The following ARHGAP44 variants were observed in gnomAD, a reference collection of about 807,000 sequenced individuals.
ARHGAP44 encodes the protein Rho GTPase activating protein 44, also known as rho GTPase-activating protein 44.
A neutral mutation model predicts 106.8 loss-of-function variants in ARHGAP44; 43 were observed. The observed-to-expected ratio is 0.40, with a 90% CI of 0.32 to 0.52. The LOEUF is 0.52. Among genes scored for constraint, ARHGAP44 ranks in the 20% least tolerant of loss-of-function variants. ARHGAP44 has a pLI of 0.48. For missense variants in ARHGAP44, 866 were observed against 1,050.5 expected (o/e 0.82, Z 2.43); for synonymous variants, 439 against 410.3 (o/e 1.07, Z -0.85).
At position 12,814,235 on chromosome 17, in the gene ARHGAP44, G is replaced by GTTTTT. The variant is rs773171329; in HGVS notation, c.53+24363_53+24367dup. 1.0e-3 allele frequency among the ~76,000 whole-genome samples: 91 copies of GTTTTT among 87,252 alleles called. 2 individuals are homozygous for GTTTTT. Among genetic ancestry groups the GTTTTT allele is most frequent in the African/African-American group, 3.2e-3 (66 of 20,398 alleles). The allele number at this position is 87,252 out of a possible 152,430, so 57.2% of individuals were successfully genotyped here. On this transcript the variant is annotated intron_variant, in intron 1 of 20. Coordinates refer to ENST00000379672, the MANE Select transcript of ARHGAP44 (RefSeq NM_014859.6). ...CTGTGCAGCCACCTCCCAAACTGGT[G>GTTTTT]TTTTTTTTTTTTTTTTTTTTTTTGA...
intron 3 of ARHGAP44, among the ~76,000 whole-genome samples, chr17:12,906,941 A>AAAAACAAAAC (rs113016244): frequency 6.6e-6 from 1 of 151,394 alleles, no homozygotes; most frequent in African/African-American, 2.4e-5. Context: ...CCTTGTATCA[A>AAAAACAAAAC]AAAACAAAAC....
chr17:12,804,157 A>T (rs759228837), intron 1 of ARHGAP44, among the ~76,000 whole-genome samples: 2 of 152,186 alleles, frequency 1.3e-5, no homozygotes, highest in African/African-American at 2.4e-5. Flanking sequence ...GTTTGCAGCA[A>T]TTAGGGTGAT....
At position 12,849,407 on chromosome 17, in the gene ARHGAP44, T is replaced by C. The variant is rs1018860436; in HGVS notation, c.54-45533T>C. Among the ~76,000 whole-genome samples the C allele has an allele frequency of 4.6e-5, 7 of 152,198 alleles. No individual in the cohort carries two copies. In the South Asian group the frequency reaches 6.2e-4, roughly 14 times the overall value. On this transcript the variant is annotated intron_variant, in intron 1 of 20. Coordinates refer to ENST00000379672, the MANE Select transcript of ARHGAP44 (RefSeq NM_014859.6). The stretch of plus-strand genomic sequence containing the variant: ...GTGAGTTTGTGCCTGGTATTTTGAA[T>C]GCTTGACACTCCTTAACATGTGTTT...
chr17:12,940,294 C>T (rs576852207), intron 7 of ARHGAP44, among the ~76,000 whole-genome samples: 2 of 152,150 alleles, frequency 1.3e-5, no homozygotes, highest in African/African-American at 4.8e-5. Flanking sequence ...GTGACATGCT[C>T]AAAAATATGG....
intron 1 of ARHGAP44, among the ~76,000 whole-genome samples, chr17:12,836,540 C>T (rs62060438): frequency 0.09 from 13,642 of 151,616 alleles, 1,234 homozygotes; most frequent in African/African-American, 0.23. Context: ...CCCAGCTACT[C>T]GGGAGGCTGA....
chr17:12,957,237 C>T (rs2039152836), intron 15 of ARHGAP44, among the ~76,000 whole-genome samples: 1 of 152,186 alleles, frequency 6.6e-6, no homozygotes, highest in Admixed American at 6.5e-5. Context: ...GGATTACAGG[C>T]GTCAGCCACT....
chr17:12,973,341 A>T, intron 17 of ARHGAP44, 22 bp downstream of exon 17: 6 of 1,604,556 alleles, frequency 3.7e-6, no homozygotes, highest in Non-Finnish European at 5.1e-6. Context: ...TCTGGTAGCT[A>T]TGAGGCCATG....
rs1192848461 is a variant in ARHGAP44 at position 12,949,259 on chromosome 17, C to T, written c.973+8C>T. The T allele has an allele frequency of 3.2e-6, 5 of 1,551,976 alleles. No individual in the cohort carries two copies. In the Admixed American group the frequency reaches 5.9e-5, roughly 18 times the overall value. On this transcript the variant is annotated splice_region_variant and intron_variant, in intron 11 of 20. Transcript: ENST00000379672. This position sits in a 1 kb window ranked among gnomAD's most constrained non-coding sequence, Gnocchi z 4.1. The stretch of plus-strand genomic sequence containing the variant: ...ACCCCCACGCAATTGCAGGTGGGCA[C>T]CTCTCAGCGCTCCTGTGTGCCATGG...
rs202226227 is a variant in ARHGAP44, at chr17:12,885,721, ATTG to A, written c.54-9216_54-9214del. ...CATTTTAAATAGGATTTTTTTTCTT[ATTG>A]TTAAGTTTCAGAGTTCTTTGCATGT... On this transcript the variant is annotated intron_variant, in intron 1 of 20. Coordinates refer to ENST00000379672, the MANE Select transcript of ARHGAP44 (RefSeq NM_014859.6). 9.7e-4 allele frequency among the ~76,000 whole-genome samples: 147 copies of A among 151,790 alleles called. 2 individuals carry two copies. The East Asian group carries it at 0.023, about 24-fold the overall frequency.
chr17:12,975,765 T>C (rs1223742865), intron 18 of ARHGAP44, among the ~76,000 whole-genome samples: 1 of 119,358 alleles, frequency 8.4e-6, no homozygotes, highest in South Asian at 2.7e-4. Context: ...GCCACTGCAC[T>C]CCAGCCTGGG....
At chr17:12,854,920 T>C (rs887643492) in intron 1 of ARHGAP44, among the ~76,000 whole-genome samples, 1 of 145,666 alleles carries the variant, frequency 6.9e-6, no homozygotes, top group African/African-American at 2.6e-5. Context: ...ATCATGCCAT[T>C]GTACTCCAGC....
chr17:12,972,665 A>T (rs966054680), intron 16 of ARHGAP44, among the ~76,000 whole-genome samples: 11 of 147,050 alleles, frequency 7.5e-5, no homozygotes, highest in Non-Finnish European at 1.5e-4. Context: ...ATAAATAAAT[A>T]TTTTTTTTTT....
At chr17:12,861,684 G>C (rs9902162) in intron 1 of ARHGAP44, among the ~76,000 whole-genome samples, 78,306 of 123,262 alleles carry the variant, frequency 0.64, 24,566 homozygotes, top group Non-Finnish European at 0.69. Context: ...TCAGTCGCTG[G>C]AGTGCAGTGG....
chr17:12,905,630 T>G (rs2037524856), intron 3 of ARHGAP44, among the ~76,000 whole-genome samples: 1 of 152,186 alleles, frequency 6.6e-6, no homozygotes, highest in Non-Finnish European at 1.5e-5. Flanking sequence ...TTTTTCCATA[T>G]TTGGAAAAAC....
chr17:12,947,900 G>A (rs1358633299), intron 10 of ARHGAP44, among the ~76,000 whole-genome samples: 2 of 152,184 alleles, frequency 1.3e-5, no homozygotes, highest in Non-Finnish European at 2.9e-5. Flanking sequence ...GTGTGTATCT[G>A]ATGTACCCTA....
chr17:12,907,225 G>T (rs967063427), intron 3 of ARHGAP44, among the ~76,000 whole-genome samples: 1 of 152,180 alleles, frequency 6.6e-6, no homozygotes, highest in Admixed American at 6.5e-5. Context: ...TTCTTACCTT[G>T]TTTTTGTTCT....
chr17:12,927,045 G>GA (rs1314527608), intron 6 of ARHGAP44, among the ~76,000 whole-genome samples: 1 of 151,938 alleles, frequency 6.6e-6, no homozygotes, highest in East Asian at 1.9e-4. Context: ...ACCTTTATAA[G>GA]AAAAAATTAC....
At chr17:12,833,421 C>T (rs532297921) in intron 1 of ARHGAP44, among the ~76,000 whole-genome samples, 7 of 152,192 alleles carry the variant, frequency 4.6e-5, no homozygotes, top group South Asian at 4.1e-4. Flanking sequence ...GACTCTTTTC[C>T]GTGTGTTTTG....
At chr17:12,841,134 G>A (rs1047146012) in intron 1 of ARHGAP44, among the ~76,000 whole-genome samples, 1 of 152,138 alleles carries the variant, frequency 6.6e-6, no homozygotes, top group Admixed American at 6.6e-5. Flanking sequence ...TTTTACTTGA[G>A]GAAGGCGCCT....
Sources: gnomAD v4.1 joint callset for allele counts (sites outside exome capture counted in the v4.1 genomes callset) on GRCh38, gnomAD v4.1.1 for gene constraint, Gnocchi (gnomAD v3.1) non-coding constraint, MANE v1.5 for transcripts, NCBI Gene and HGNC (gene_info 2026-07-23, HGNC 2026-07-21) for gene names.